Variants in PRKN observed in about 807,000 individuals in gnomAD.
PRKN encodes E3 ubiquitin-protein ligase parkin.
PRKN carries 56 observed loss-of-function variants against 59.5 expected under a neutral mutation model. That is an observed-to-expected ratio of 0.94 (90% CI 0.76 to 1.18). The LOEUF is 1.18. Among genes scored for constraint, PRKN ranks in the 50% most tolerant of loss-of-function variants. The pLI is 0.00. For synonymous variants in PRKN, 250 were observed against 222.1 expected (o/e 1.13, Z -1.12); for missense variants, 657 against 596.4 (o/e 1.10, Z -1.06).
chr6:162,577,033 C>T (rs921901525), intron 1 of PRKN, among the ~76,000 whole-genome samples: 2 of 151,878 alleles, frequency 1.3e-5, no homozygotes, highest in African/African-American at 2.4e-5. Context: ...ACAGATTTGA[C>T]GAACTAAATC....
At chr6:161,837,357 G>A (rs1792800971) in intron 6 of PRKN, among the ~76,000 whole-genome samples, 1 of 152,190 alleles carries the variant, frequency 6.6e-6, no homozygotes, top group Non-Finnish European at 1.5e-5. Flanking sequence ...TGGGGCTACT[G>A]TCCGCAAGCA....
intron 9 of PRKN, among the ~76,000 whole-genome samples, chr6:161,508,527 A>G (rs1415397885): frequency 6.6e-6 from 1 of 152,196 alleles, no homozygotes; most frequent in Non-Finnish European, 1.5e-5. Context: ...ATATTGTAAG[A>G]TCATTTCCAT....
intron 7 of PRKN, among the ~76,000 whole-genome samples, chr6:161,679,390 A>C (rs1408554499): frequency 6.6e-6 from 1 of 152,044 alleles, no homozygotes; most frequent in Non-Finnish European, 1.5e-5. Flanking sequence ...GCTAGGCTGG[A>C]AACACCTGGG....
At chr6:162,476,851 GC>G (rs1792047449) in intron 1 of PRKN, among the ~76,000 whole-genome samples, 1 of 152,158 alleles carries the variant, frequency 6.6e-6, no homozygotes, top group African/African-American at 2.4e-5. Flanking sequence ...GTGTACATAA[GC>G]AAAGGGAAGG....
chr6:162,377,754 G>C (rs958965527), intron 2 of PRKN, among the ~76,000 whole-genome samples: 1 of 152,162 alleles, frequency 6.6e-6, no homozygotes, highest in Non-Finnish European at 1.5e-5. Context: ...CTAATCGGGA[G>C]AGTAAGAGGA....
intron 2 of PRKN, among the ~76,000 whole-genome samples, chr6:162,436,286 T>A (rs1367753227): frequency 6.6e-6 from 1 of 151,710 alleles, no homozygotes; most frequent in Non-Finnish European, 1.5e-5. Context: ...TAAATTCTAT[T>A]ACATAAATAT....
chr6:162,632,607 T>C (rs903785676), intron 1 of PRKN, among the ~76,000 whole-genome samples: 1 of 151,908 alleles, frequency 6.6e-6, no homozygotes, highest in Non-Finnish European at 1.5e-5. Context: ...AATATTCCCA[T>C]GTAACAAACC....
In PRKN at chr6:161,447,646, A is replaced by C. The variant is rs1789554988; in HGVS notation, c.1084-60769T>G. 6.6e-6 allele frequency among the ~76,000 whole-genome samples: 1 copy of C among 152,046 alleles called. No homozygotes were observed. Among genetic ancestry groups the C allele is most frequent in the Non-Finnish European group, 1.5e-5 (1 of 68,018 alleles). On this transcript the variant is annotated intron_variant, in intron 9 of 11. Transcript: ENST00000366898. This position sits in a 1 kb window ranked among gnomAD's most constrained non-coding sequence, Gnocchi z 4.1. ...GTAGCTGGGACTACAGGCATGCACCACCATGCCTGGCTAATTTTTTGTATT... is the reference window on the plus strand; with the variant it reads ...GTAGCTGGGACTACAGGCATGCACCCCCATGCCTGGCTAATTTTTTGTATT...
chr6:162,387,945 G>A (rs1786940106), intron 2 of PRKN, among the ~76,000 whole-genome samples: 1 of 152,132 alleles, frequency 6.6e-6, no homozygotes, highest in South Asian at 2.1e-4. Context: ...CTGAGTGCTG[G>A]GGAACACAAC....
At chr6:162,724,637 T>C (rs1779056881) in intron 1 of PRKN, among the ~76,000 whole-genome samples, 1 of 152,234 alleles carries the variant, frequency 6.6e-6, no homozygotes, top group Non-Finnish European at 1.5e-5. Context: ...TAGGCTAACT[T>C]GTTCCAGAAG....
At chr6:161,583,198 G>A (rs781006364) in intron 7 of PRKN, among the ~76,000 whole-genome samples, 2 of 151,922 alleles carry the variant, frequency 1.3e-5, no homozygotes, top group Non-Finnish European at 2.9e-5. Flanking sequence ...GAGCACACAG[G>A]GCATAGGTTA....
intron 4 of PRKN, among the ~76,000 whole-genome samples, chr6:162,116,487 G>T (rs1052828513): frequency 2.0e-5 from 3 of 152,174 alleles, no homozygotes; most frequent in African/African-American, 7.2e-5. Flanking sequence ...TGGCCTCACG[G>T]ACTTTTTGTC....
intron 1 of PRKN, among the ~76,000 whole-genome samples, chr6:162,508,661 C>A (rs563688127): frequency 6.6e-6 from 1 of 152,126 alleles, no homozygotes; most frequent in African/African-American, 2.4e-5. Context: ...GGGTTAGGGG[C>A]TCTCTTTAAG....
At chr6:161,887,797 A>C (rs1036530977) in intron 6 of PRKN, among the ~76,000 whole-genome samples, 1 of 152,202 alleles carries the variant, frequency 6.6e-6, no homozygotes, top group Non-Finnish European at 1.5e-5. Flanking sequence ...AAGTAACAAA[A>C]ACAGTTATTT....
intron 7 of PRKN, among the ~76,000 whole-genome samples, chr6:161,583,300 C>T (rs2128138635): frequency 6.6e-6 from 1 of 152,140 alleles, no homozygotes; most frequent in East Asian, 1.9e-4. Flanking sequence ...TGGTGTTAAG[C>T]TGTTCTAAAA....
At chr6:162,052,408 A>G (rs150465048) in intron 5 of PRKN, among the ~76,000 whole-genome samples, 1 of 152,002 alleles carries the variant, frequency 6.6e-6, no homozygotes, top group African/African-American at 2.4e-5. Context: ...ATCCTTGATG[A>G]TTTCAATTTC....
intron 4 of PRKN, among the ~76,000 whole-genome samples, chr6:162,058,491 C>G (rs1380387606): frequency 1.3e-5 from 2 of 152,222 alleles, no homozygotes; most frequent in African/African-American, 2.4e-5. Context: ...GTGAACCACA[C>G]TGTGCTTGAG....
intron 5 of PRKN, among the ~76,000 whole-genome samples, chr6:162,003,247 G>C (rs2128263820): frequency 6.6e-6 from 1 of 151,874 alleles, no homozygotes; most frequent in African/African-American, 2.4e-5. Context: ...GTCCAGTTTG[G>C]CGAGTAGATG....
intron 7 of PRKN, among the ~76,000 whole-genome samples, chr6:161,759,134 A>G (rs1789080079): frequency 6.6e-6 from 1 of 151,802 alleles, no homozygotes; most frequent in South Asian, 2.1e-4. Flanking sequence ...CTGAGATTGC[A>G]CCACTGCATT....
Sources: gnomAD v4.1 joint callset for allele counts (sites outside exome capture counted in the v4.1 genomes callset) on GRCh38, gnomAD v4.1.1 for gene constraint, Gnocchi (gnomAD v3.1) non-coding constraint, MANE v1.5 for transcripts, NCBI Gene and HGNC (gene_info 2026-07-23, HGNC 2026-07-21) for gene names.